The following ARL15 variants were observed in gnomAD, a reference collection of about 807,000 sequenced individuals.
ARL15 encodes the protein ARF like GTPase 15.
In ARL15, 19 loss-of-function variants were observed where a neutral mutation model predicts 25.2. The observed-to-expected ratio is 0.75, with a 90% CI of 0.53 to 1.10. The LOEUF is 1.10. Ranked by LOEUF, ARL15 falls within the 50% of genes least tolerant of loss-of-function variation. ARL15 has a pLI of 0.00. For missense variants in ARL15, 220 were observed against 246.0 expected, an observed-to-expected ratio of 0.89 and a Z score of 0.71; for synonymous variants, 94 against 86.8, an observed-to-expected ratio of 1.08 and a Z score of -0.46.
chr5:54,156,577 T>C (rs1468418155), intron 2 of ARL15, among the ~76,000 whole-genome samples: 2 of 152,170 alleles, frequency 1.3e-5, no homozygotes, highest in Non-Finnish European at 2.9e-5. Flanking sequence ...TTAATCTAAG[T>C]ATGTAGTTGG....
chr5:53,927,677 T>C (rs1746073496), intron 4 of ARL15, among the ~76,000 whole-genome samples: 1 of 152,164 alleles, frequency 6.6e-6, no homozygotes, highest in African/African-American at 2.4e-5. Flanking sequence ...GACAAGGAGC[T>C]TAGGGTCTTG....
chr5:54,180,615 G>A (rs912810498), intron 1 of ARL15, among the ~76,000 whole-genome samples: 2 of 152,204 alleles, frequency 1.3e-5, no homozygotes, highest in African/African-American at 4.8e-5. Context: ...AGCCATGTGG[G>A]CTGCTGGGAG....
At chr5:54,125,873 A>C (rs1753236916) in intron 3 of ARL15, among the ~76,000 whole-genome samples, 1 of 152,172 alleles carries the variant, frequency 6.6e-6, no homozygotes, top group African/African-American at 2.4e-5. Context: ...AGGGAGAAAA[A>C]AATAATAATT....
chr5:54,223,578 T>C (rs916376372), intron 1 of ARL15, among the ~76,000 whole-genome samples: 5 of 152,314 alleles, frequency 3.3e-5, no homozygotes, highest in African/African-American at 1.2e-4. Flanking sequence ...TATTGGGGCT[T>C]TCACAGATAA....
At chr5:53,938,327 C>G (rs540136834) in intron 4 of ARL15, among the ~76,000 whole-genome samples, 17 of 152,148 alleles carry the variant, frequency 1.1e-4, no homozygotes, top group African/African-American at 4.1e-4. Flanking sequence ...AATTAAACTA[C>G]AGCACTATAT....
intron 4 of ARL15, among the ~76,000 whole-genome samples, chr5:53,973,734 GT>G (rs749559623): frequency 1.6e-4 from 24 of 151,998 alleles, no homozygotes; most frequent in Admixed American, 1.2e-3. Flanking sequence ...GAAAGACCCT[GT>G]CTTAAAAAAA....
chr5:54,236,447 A>AAT (rs1418434222), intron 1 of ARL15, among the ~76,000 whole-genome samples: 2 of 143,168 alleles, frequency 1.4e-5, no homozygotes, highest in Non-Finnish European at 3.1e-5. Context: ...CACACACACA[A>AAT]ATCAGTAGTA....
chr5:54,304,756 G>A (rs539729230), intron 1 of ARL15, among the ~76,000 whole-genome samples: 1 of 152,212 alleles, frequency 6.6e-6, no homozygotes, highest in Non-Finnish European at 1.5e-5. Context: ...AGACTAAAAA[G>A]TGACCTACAT....
rs1401830386 is a variant in ARL15 at position 54,029,323 on chromosome 5, CCACCACCACT to C, written c.462+83869_462+83878del. ...AAAACAGTTACCACCACCACCACCA[CCACCACCACT>C]ACCACCACCACCACCACCACCACCA... is the stretch of plus-strand genomic sequence containing the variant. On this transcript the variant is annotated intron_variant, in intron 4 of 4. Transcript: ENST00000504924. Among the ~76,000 whole-genome samples the C allele has an allele frequency of 3.7e-4, 44 of 117,564 alleles. 1 individual carries two copies. The highest frequency in any genetic ancestry group is 1.4e-3 in the Admixed American group (16 of 11,778). 77.1% of individuals were successfully genotyped at this position (117,564 alleles called of 152,430 possible).
intron 2 of ARL15, among the ~76,000 whole-genome samples, chr5:54,157,568 C>T (rs1450336519): frequency 2.6e-5 from 4 of 152,046 alleles, no homozygotes; most frequent in East Asian, 3.9e-4. Context: ...CCCACCACCA[C>T]GCCCAGCTAA....
chr5:54,125,225 G>A (rs1753210788), intron 3 of ARL15, among the ~76,000 whole-genome samples: 1 of 151,982 alleles, frequency 6.6e-6, no homozygotes, highest in African/African-American at 2.4e-5. Flanking sequence ...GTAGAGACGG[G>A]GTTTCGCCAT....
chr5:54,175,734 C>T (rs932396345), intron 1 of ARL15, among the ~76,000 whole-genome samples: 1 of 151,544 alleles, frequency 6.6e-6, no homozygotes, highest in Non-Finnish European at 1.5e-5. Context: ...CTCACTGCAA[C>T]CTCCAAATCC....
intron 2 of ARL15, among the ~76,000 whole-genome samples, chr5:54,165,752 A>G (rs1754545849): frequency 6.6e-6 from 1 of 150,844 alleles, no homozygotes; most frequent in African/African-American, 2.4e-5. Flanking sequence ...ATATATATAT[A>G]TAAATAGAGA....
At chr5:54,053,096 A>C (rs542027394) in intron 4 of ARL15, among the ~76,000 whole-genome samples, 1 of 152,300 alleles carries the variant, frequency 6.6e-6, no homozygotes, top group South Asian at 2.1e-4. Flanking sequence ...ATTATAATCC[A>C]AAGTATGAAC....
chr5:54,251,844 T>A (rs1346655499), intron 1 of ARL15, among the ~76,000 whole-genome samples: 3 of 152,092 alleles, frequency 2.0e-5, no homozygotes, highest in African/African-American at 7.2e-5. Context: ...CATTAAAAAA[T>A]CCCAATGCTA....
chr5:54,043,927 G>T (rs952545698), intron 4 of ARL15, among the ~76,000 whole-genome samples: 9 of 151,998 alleles, frequency 5.9e-5, no homozygotes, highest in Admixed American at 5.9e-4. Context: ...TGAGGTGGGA[G>T]TATCGCTTGA....
At chr5:53,936,134 G>T (rs1746343037) in intron 4 of ARL15, among the ~76,000 whole-genome samples, 1 of 152,090 alleles carries the variant, frequency 6.6e-6, no homozygotes, top group East Asian at 1.9e-4. Flanking sequence ...TCAGAGAGAG[G>T]TACATATATT....
At chr5:54,091,784 A>G (rs2112146703) in intron 4 of ARL15, among the ~76,000 whole-genome samples, 1 of 152,020 alleles carries the variant, frequency 6.6e-6, no homozygotes, top group Non-Finnish European at 1.5e-5. Flanking sequence ...AAACACAGAA[A>G]AAAAAAAAAT....
At chr5:54,175,272 A>G (rs536446008) in intron 1 of ARL15, among the ~76,000 whole-genome samples, 1 of 152,250 alleles carries the variant, frequency 6.6e-6, no homozygotes, top group African/African-American at 2.4e-5. Context: ...CTTCTGACAT[A>G]AAAGATGATT....
Sources: allele counts gnomAD v4.1 joint callset (sites outside exome capture counted in the v4.1 genomes callset), GRCh38; gene constraint gnomAD v4.1.1; transcripts MANE v1.5; gene names NCBI Gene and HGNC (gene_info 2026-07-23, HGNC 2026-07-21).